The following MYO3A variants were observed in gnomAD, a reference collection of about 807,000 sequenced individuals.
The protein encoded by MYO3A is myosin-IIIa.
Under a neutral mutation model 192.7 loss-of-function variants are expected in MYO3A, and 180 were observed. That is an observed-to-expected ratio of 0.93 (90% CI 0.83 to 1.06). MYO3A has a LOEUF of 1.06. MYO3A is among the 50% of genes least tolerant of loss of function. The pLI is 0.00. For missense variants in MYO3A, 1,896 were observed against 1,905.0 expected, an observed-to-expected ratio of 1.00 and a Z score of 0.09; for synonymous variants, 628 against 645.3, an observed-to-expected ratio of 0.97 and a Z score of 0.41.
intron 10 of MYO3A, among the ~76,000 whole-genome samples, chr10:26,049,100 A>G (rs1374368164): frequency 6.6e-6 from 1 of 152,218 alleles, no homozygotes; most frequent in East Asian, 1.9e-4. Flanking sequence ...AAATAGTGTA[A>G]CATTGAATTT....
intron 4 of MYO3A, among the ~76,000 whole-genome samples, chr10:25,993,102 C>T (rs1840162686): frequency 6.6e-6 from 1 of 152,050 alleles, no homozygotes; most frequent in Non-Finnish European, 1.5e-5. Context: ...CCTCCTTGTA[C>T]CTCTGGTAGA....
At chr10:26,153,734 T>G (rs1840935399) in intron 23 of MYO3A, 116 bp from the exon 24 acceptor site, 1 of 686,480 alleles carries the variant, frequency 1.5e-6, no homozygotes, top group Non-Finnish European at 2.6e-6. Context: ...ACCAAGCATA[T>G]GATTATGAAT....
At chr10:25,993,188 C>T (rs1398220890) in intron 4 of MYO3A, among the ~76,000 whole-genome samples, 2 of 152,018 alleles carry the variant, frequency 1.3e-5, no homozygotes, top group African/African-American at 4.8e-5. Flanking sequence ...AATTTCAGAG[C>T]CTGTTATTGG....
intron 10 of MYO3A, among the ~76,000 whole-genome samples, chr10:26,053,070 A>G (rs1052360665): frequency 6.6e-6 from 1 of 152,252 alleles, no homozygotes; most frequent in African/African-American, 2.4e-5. Flanking sequence ...GAAAGAAAAC[A>G]TTGAAAAAAG....
At chr10:26,069,412 TATAGA>T (rs1316520413) in intron 12 of MYO3A, among the ~76,000 whole-genome samples, 1 of 152,100 alleles carries the variant, frequency 6.6e-6, no homozygotes, top group African/African-American at 2.4e-5. Flanking sequence ...GTGGCTTACA[TATAGA>T]ATACTATTCT....
intron 26 of MYO3A, among the ~76,000 whole-genome samples, chr10:26,160,943 T>C (rs2131961185): frequency 6.6e-6 from 1 of 152,356 alleles, no homozygotes; most frequent in Non-Finnish European, 1.5e-5. Context: ...ATAAAACCTA[T>C]TTTCTTAATG....
intron 10 of MYO3A, among the ~76,000 whole-genome samples, chr10:26,039,251 G>T (rs191162640): frequency 0.015 from 2,090 of 136,864 alleles, 16 homozygotes; most frequent in Non-Finnish European, 0.022. Context: ...GTAGAGACAG[G>T]GTTTCTCCAT....
intron 4 of MYO3A, among the ~76,000 whole-genome samples, chr10:25,958,179 G>A (rs1226959940): frequency 6.6e-6 from 1 of 152,100 alleles, no homozygotes; most frequent in Non-Finnish European, 1.5e-5. Context: ...TGTCCAGAAT[G>A]GATGGTATTG....
At chr10:26,016,956 T>C (rs1270902254) in intron 7 of MYO3A, 60 bp downstream of exon 7, 3 of 1,441,508 alleles carry the variant, frequency 2.1e-6, no homozygotes, top group East Asian at 4.5e-5. Flanking sequence ...CTTTCCTTTT[T>C]ATGTGTACTC....
In MYO3A at chr10:25,936,722, C is replaced by A. The variant is rs80203474; in HGVS notation, c.-18+892C>A. On this transcript the variant is annotated intron_variant, in intron 2 of 34. Coordinates refer to ENST00000642920, the MANE Select transcript of MYO3A (RefSeq NM_017433.5). ...TCATCTATCATTGGACACGTAATTT[C>A]TACCATGAACTTAAACATTATGACC... Among the ~76,000 whole-genome samples the A allele has an allele frequency of 8.1e-3, 1,235 of 152,292 alleles. 9 individuals carry two copies. The highest frequency in any genetic ancestry group is 0.014 in the Non-Finnish European group (925 of 68,032).
At chr10:26,148,141 C>T (rs1368692714) in intron 23 of MYO3A, among the ~76,000 whole-genome samples, 8 of 152,124 alleles carry the variant, frequency 5.3e-5, no homozygotes, top group Admixed American at 2.6e-4. Flanking sequence ...ATATAAGCAC[C>T]TGTAAAACTA....
At chr10:25,972,087 TTC>T (rs1236505904) in intron 4 of MYO3A, among the ~76,000 whole-genome samples, 3 of 152,216 alleles carry the variant, frequency 2.0e-5, no homozygotes, top group Non-Finnish European at 4.4e-5. Flanking sequence ...CTGCTGCTTG[TTC>T]TCTCTCTTGT....
intron 20 of MYO3A, among the ~76,000 whole-genome samples, chr10:26,141,102 T>G (rs1387233751): frequency 6.6e-6 from 1 of 152,114 alleles, no homozygotes; most frequent in Admixed American, 6.5e-5. Context: ...TAATTTTATG[T>G]ATTTTTAGTA....
At chr10:26,136,341 G>A (rs930045893) in intron 20 of MYO3A, among the ~76,000 whole-genome samples, 5 of 152,164 alleles carry the variant, frequency 3.3e-5, no homozygotes, top group Admixed American at 6.5e-5. Context: ...CTACAACTGT[G>A]GAGCAGTGTC....
At chr10:26,124,137 C>T (rs1451261046) in intron 18 of MYO3A, among the ~76,000 whole-genome samples, 1 of 133,862 alleles carries the variant, frequency 7.5e-6, no homozygotes, top group African/African-American at 2.8e-5. Context: ...TGCAGTGAGC[C>T]ATAATTGTGC....
chr10:25,967,466 T>A (rs1228180014), intron 4 of MYO3A, among the ~76,000 whole-genome samples: 4 of 152,164 alleles, frequency 2.6e-5, no homozygotes, highest in Non-Finnish European at 5.9e-5. Flanking sequence ...CACAAGTAAT[T>A]AACTGCCTGC....
At chr10:26,156,136 A>G (rs540586183) in intron 25 of MYO3A, among the ~76,000 whole-genome samples, 24 of 152,340 alleles carry the variant, frequency 1.6e-4, no homozygotes, top group African/African-American at 5.8e-4. Flanking sequence ...GAGTAAAGGA[A>G]TGATGACTTA....
intron 4 of MYO3A, among the ~76,000 whole-genome samples, chr10:25,984,415 G>T (rs533923487): frequency 1.2e-4 from 18 of 152,222 alleles, no homozygotes; most frequent in African/African-American, 4.3e-4. Flanking sequence ...AAAGGGGCCA[G>T]GTTTTTCGCA....
At chr10:26,070,451 A>T (rs374443971) in intron 14 of MYO3A, 50 bp downstream of exon 14, 1 of 1,384,024 alleles carries the variant, frequency 7.2e-7, no homozygotes, top group Non-Finnish European at 1.0e-6. Context: ...GTTGAATTTC[A>T]TAACTTAATA....
Sources: allele counts gnomAD v4.1 joint callset (sites outside exome capture counted in the v4.1 genomes callset), GRCh38; gene constraint gnomAD v4.1.1; transcripts MANE v1.5; gene names NCBI Gene and HGNC (gene_info 2026-07-23, HGNC 2026-07-21).